Variants in NBEA observed in about 807,000 individuals in gnomAD.
The protein encoded by NBEA is neurobeachin, also known as lysosomal-trafficking regulator 2.
Under a neutral mutation model 343.4 loss-of-function variants are expected in NBEA, and 44 were observed. The ratio of observed to expected loss-of-function variants is 0.13; its 90% confidence interval spans 0.10 to 0.16. The LOEUF (loss-of-function observed/expected upper bound fraction) is 0.16. Ranked by LOEUF, NBEA falls within the 10% of genes least tolerant of loss-of-function variation. NBEA has a pLI of 1.00. For synonymous variants in NBEA, 1,175 were observed against 1,238.7 expected, an observed-to-expected ratio of 0.95 and a Z score of 1.08; for missense variants, 2,555 against 3,631.3, an observed-to-expected ratio of 0.70 and a Z score of 7.62.
chr13:35,078,864 A>G (rs990754172), intron 10 of NBEA, among the ~76,000 whole-genome samples: 16 of 152,116 alleles, frequency 1.1e-4, no homozygotes, highest in African/African-American at 3.9e-4. Context: ...TCTACTAAAA[A>G]TATAAAAATT....
intron 35 of NBEA, among the ~76,000 whole-genome samples, chr13:35,296,765 TTTTAC>T (rs2036161912): frequency 6.6e-6 from 1 of 152,082 alleles, no homozygotes; most frequent in Non-Finnish European, 1.5e-5. Flanking sequence ...TATTTCACAC[TTTTAC>T]TTCTAGTATA....
chr13:35,497,697 T>A (rs1594809916), intron 41 of NBEA, among the ~76,000 whole-genome samples: 1 of 152,146 alleles, frequency 6.6e-6, no homozygotes, highest in East Asian at 1.9e-4. Flanking sequence ...GACATGTATA[T>A]TATCTCTTTT....
intron 1 of NBEA, among the ~76,000 whole-genome samples, chr13:35,015,232 T>C (rs1182771018): frequency 6.6e-6 from 1 of 151,626 alleles, no homozygotes; most frequent in Non-Finnish European, 1.5e-5. Flanking sequence ...TTAGTAGTTC[T>C]GTGAGAAGCT....
At chr13:35,573,629 C>T (rs1042237871) in intron 45 of NBEA, among the ~76,000 whole-genome samples, 1 of 152,048 alleles carries the variant, frequency 6.6e-6, no homozygotes, top group Non-Finnish European at 1.5e-5. Flanking sequence ...TTTCTTGTTC[C>T]TTCCCACTTA....
chr13:35,389,384 C>T (rs932890017), intron 38 of NBEA, among the ~76,000 whole-genome samples: 6 of 151,966 alleles, frequency 3.9e-5, no homozygotes, highest in Non-Finnish European at 8.8e-5. Context: ...GCTTTTTCCC[C>T]CTAAGGAAAT....
intron 41 of NBEA, among the ~76,000 whole-genome samples, chr13:35,486,793 TA>T (rs2076318368): frequency 6.6e-6 from 1 of 152,076 alleles, no homozygotes; most frequent in Non-Finnish European, 1.5e-5. Flanking sequence ...ACTTTTATGT[TA>T]TAAATTTTAA....
intron 33 of NBEA, among the ~76,000 whole-genome samples, chr13:35,221,211 G>C (rs548910225): frequency 2.6e-4 from 39 of 152,088 alleles, no homozygotes; most frequent in Non-Finnish European, 4.6e-4. Flanking sequence ...GGGCATGGTG[G>C]TGAGTGCCTG....
intron 49 of NBEA, among the ~76,000 whole-genome samples, chr13:35,634,093 C>A (rs1176434112): frequency 6.6e-6 from 1 of 152,016 alleles, no homozygotes; most frequent in Non-Finnish European, 1.5e-5. Flanking sequence ...GCCTGTAATC[C>A]CAGCACTTTG....
chr13:35,139,846 C>T (rs1263021982), intron 17 of NBEA, among the ~76,000 whole-genome samples: 1 of 143,256 alleles, frequency 7.0e-6, no homozygotes, highest in South Asian at 2.3e-4. Context: ...GAAGTTGACT[C>T]ATCTCTACTG....
chr13:35,565,930 T>A (rs990913796), intron 44 of NBEA, among the ~76,000 whole-genome samples: 7 of 152,238 alleles, frequency 4.6e-5, no homozygotes, highest in African/African-American at 1.2e-4. Flanking sequence ...ATGATTGACA[T>A]CTGCCTCTGT....
intron 34 of NBEA, among the ~76,000 whole-genome samples, chr13:35,277,063 T>C (rs1306294266): frequency 6.6e-6 from 1 of 152,138 alleles, no homozygotes; most frequent in Non-Finnish European, 1.5e-5. Flanking sequence ...GTGGCAGGGA[T>C]GTAGAGAGAA....
chr13:35,133,615 A>G (rs2067549885), intron 17 of NBEA, among the ~76,000 whole-genome samples: 1 of 152,114 alleles, frequency 6.6e-6, no homozygotes, highest in Admixed American at 6.5e-5. Flanking sequence ...ACAGTTGGAT[A>G]TATTCAGAAC....
At chr13:35,147,195 T>C (rs532322520) in intron 18 of NBEA, among the ~76,000 whole-genome samples, 1 of 152,370 alleles carries the variant, frequency 6.6e-6, no homozygotes, top group Admixed American at 6.5e-5. Flanking sequence ...GGCACAGATG[T>C]GGCCCTCATA....
intron 41 of NBEA, among the ~76,000 whole-genome samples, chr13:35,488,329 C>T (rs1282727278): frequency 1.3e-5 from 2 of 151,870 alleles, no homozygotes; most frequent in East Asian, 3.9e-4. Flanking sequence ...TTACTAAATA[C>T]TCCACAGCCT....
chr13:35,420,466 G>T (rs909944874), intron 38 of NBEA, among the ~76,000 whole-genome samples: 1 of 151,866 alleles, frequency 6.6e-6, no homozygotes, highest in African/African-American at 2.4e-5. Flanking sequence ...ATGGATATTG[G>T]TCTGTAGTTT....
chr13:35,581,913 A>C (rs903971012), intron 45 of NBEA, among the ~76,000 whole-genome samples: 3 of 151,470 alleles, frequency 2.0e-5, no homozygotes, highest in Non-Finnish European at 2.9e-5. Flanking sequence ...AAGAAAAAAA[A>C]AGAAAAATAT....
chr13:34,943,152 C>G (rs2152476507), intron 1 of NBEA, 38 bp downstream of exon 1: 1 of 1,607,374 alleles, frequency 6.2e-7, no homozygotes, highest in Non-Finnish European at 8.5e-7. Context: ...CTTCCCCAGT[C>G]CCCACATACA....
chr13:35,630,103 C>T (rs973533174), intron 49 of NBEA, among the ~76,000 whole-genome samples: 2 of 151,908 alleles, frequency 1.3e-5, no homozygotes, highest in African/African-American at 4.8e-5. Context: ...CATTAAGCAT[C>T]TTATATGTGA....
At chr13:35,621,319 C>T (rs1294400021) in intron 48 of NBEA, among the ~76,000 whole-genome samples, 2 of 152,258 alleles carry the variant, frequency 1.3e-5, no homozygotes, top group African/African-American at 2.4e-5. Context: ...TGAATGAATG[C>T]TCCCTCTGTT....
Sources: gnomAD v4.1 joint callset for allele counts (sites outside exome capture counted in the v4.1 genomes callset) on GRCh38, gnomAD v4.1.1 for gene constraint, MANE v1.5 for transcripts, NCBI Gene and HGNC (gene_info 2026-07-23, HGNC 2026-07-21) for gene names.